The following TAFA1 variants were observed in gnomAD, a reference collection of about 807,000 sequenced individuals.
TAFA1 encodes the protein chemokine-like protein TAFA-1.
A neutral mutation model predicts 18.5 loss-of-function variants in TAFA1; 4 were observed. That is an observed-to-expected ratio of 0.22 (90% confidence interval 0.11 to 0.49). The LOEUF is 0.49. TAFA1 is among the 20% of genes least tolerant of loss of function. The pLI, the probability that TAFA1 is intolerant of heterozygous loss-of-function variation, is 0.98. For missense variants in TAFA1, 147 were observed against 169.0 expected (o/e 0.87, Z 0.72); for synonymous variants, 56 against 55.2 (o/e 1.01, Z -0.06).
chr3:68,307,302 A>T (rs1283944391), intron 2 of TAFA1, among the ~76,000 whole-genome samples: 2 of 152,218 alleles, frequency 1.3e-5, no homozygotes, highest in Non-Finnish European at 2.9e-5. Context: ...CTTAAATAAG[A>T]ATTATTTGCT....
chr3:68,293,140 C>T (rs1387000521), intron 2 of TAFA1, among the ~76,000 whole-genome samples: 1 of 152,134 alleles, frequency 6.6e-6, no homozygotes, highest in East Asian at 1.9e-4. Flanking sequence ...GTGTCTAACC[C>T]TTCATAGTTG....
At chr3:68,271,836 TCACACACA>T (rs965274782) in intron 2 of TAFA1, among the ~76,000 whole-genome samples, 29 of 129,218 alleles carry the variant, frequency 2.2e-4, no homozygotes, top group African/African-American at 6.3e-4. Flanking sequence ...TCTCTCTCTC[TCACACACA>T]CACACACACA....
intron 3 of TAFA1, among the ~76,000 whole-genome samples, chr3:68,529,802 T>C (rs1575954768): frequency 6.6e-6 from 1 of 152,118 alleles, no homozygotes; most frequent in Non-Finnish European, 1.5e-5. Flanking sequence ...TGTAGGGGAA[T>C]TGACCTGTTC....
At chr3:68,417,647 C>T (rs1318176755) in intron 3 of TAFA1, 13 of 515,242 alleles carry the variant, frequency 2.5e-5, no homozygotes, top group Non-Finnish European at 3.8e-5. Context: ...CTTGCCATTG[C>T]AGCATTGAGA....
intron 2 of TAFA1, among the ~76,000 whole-genome samples, chr3:68,104,928 T>A (rs919002274): frequency 2.6e-5 from 4 of 152,052 alleles, no homozygotes; most frequent in Non-Finnish European, 4.4e-5. Flanking sequence ...AGAAAAGAGG[T>A]TTATTTTGAG....
At chr3:68,322,908 AC>A (rs956197261) in intron 2 of TAFA1, among the ~76,000 whole-genome samples, 7 of 152,056 alleles carry the variant, frequency 4.6e-5, no homozygotes, top group African/African-American at 1.7e-4. Flanking sequence ...ACACCACTGC[AC>A]TCCAGCCTGG....
intron 3 of TAFA1, among the ~76,000 whole-genome samples, chr3:68,444,906 C>T (rs969089394): frequency 6.6e-6 from 1 of 151,178 alleles, no homozygotes; most frequent in African/African-American, 2.4e-5. Context: ...TCTATTCCTT[C>T]TGAATGCCAC....
chr3:68,314,068 T>C (rs2068565598), intron 2 of TAFA1, among the ~76,000 whole-genome samples: 1 of 152,194 alleles, frequency 6.6e-6, no homozygotes, highest in African/African-American at 2.4e-5. Flanking sequence ...TTGAATAGGA[T>C]TAAGATGGCT....
intron 2 of TAFA1, among the ~76,000 whole-genome samples, chr3:68,085,465 C>A (rs960591539): frequency 3.9e-5 from 6 of 152,086 alleles, no homozygotes; most frequent in Admixed American, 3.9e-4. Flanking sequence ...AATAATAATG[C>A]CTGAATTAGA....
intron 3 of TAFA1, among the ~76,000 whole-genome samples, chr3:68,419,505 C>T (rs1559661959): frequency 6.6e-6 from 1 of 152,114 alleles, no homozygotes; most frequent in Non-Finnish European, 1.5e-5. Flanking sequence ...AACAATGAGT[C>T]CAAGGCGCAA....
chr3:68,051,912 A>G (rs1301695794), intron 2 of TAFA1, among the ~76,000 whole-genome samples: 3 of 152,176 alleles, frequency 2.0e-5, no homozygotes, highest in African/African-American at 7.2e-5. Flanking sequence ...AAGAATACAA[A>G]TGACATTCTT....
intron 2 of TAFA1, among the ~76,000 whole-genome samples, chr3:68,091,780 C>T (rs927559552): frequency 6.6e-6 from 1 of 152,096 alleles, no homozygotes; most frequent in Non-Finnish European, 1.5e-5. Flanking sequence ...ACATCAATAT[C>T]ACACAAGACC....
chr3:68,280,805 A>G (rs2067884885), intron 2 of TAFA1, among the ~76,000 whole-genome samples: 1 of 152,160 alleles, frequency 6.6e-6, no homozygotes, highest in Non-Finnish European at 1.5e-5. Context: ...TGACAATAAT[A>G]AAACTGCATT....
chr3:68,128,939 A>G (rs2065505258), intron 2 of TAFA1, among the ~76,000 whole-genome samples: 2 of 152,254 alleles, frequency 1.3e-5, no homozygotes, highest in African/African-American at 2.4e-5. Context: ...AAACTGGACT[A>G]GACGTAAAAT....
chr3:68,416,569 C>T (rs1311682573), intron 2 of TAFA1, among the ~76,000 whole-genome samples: 1 of 152,142 alleles, frequency 6.6e-6, no homozygotes, highest in South Asian at 2.1e-4. Flanking sequence ...GCTTATCAGC[C>T]TTTATGCAGA....
chr3:68,435,390 G>C (rs1320738834), intron 3 of TAFA1, among the ~76,000 whole-genome samples: 1 of 152,140 alleles, frequency 6.6e-6, no homozygotes, highest in Admixed American at 6.6e-5. Flanking sequence ...GGTGGATATT[G>C]AAACTGCCCA....
chr3:68,392,983 A>G (rs2070294317), intron 2 of TAFA1, among the ~76,000 whole-genome samples: 2 of 152,210 alleles, frequency 1.3e-5, no homozygotes, highest in South Asian at 2.1e-4. Flanking sequence ...ACAAGCTGTC[A>G]GAAGACAAAA....
At chr3:68,278,419 T>G (rs980622185) in intron 2 of TAFA1, among the ~76,000 whole-genome samples, 1 of 152,168 alleles carries the variant, frequency 6.6e-6, no homozygotes, top group Non-Finnish European at 1.5e-5. Flanking sequence ...GCACAGAATT[T>G]AATCATTTTT....
In TAFA1 at chr3:68,478,114, C is replaced by T. The variant is rs184267912; in HGVS notation, c.260-60642C>T. ...GTTGGTCCTTGGAGGTATGGGCAGA[C>T]GTATTCCTTGTGATTCCTGAATTCT... On this transcript the variant is annotated intron_variant, in intron 3 of 4. Coordinates refer to ENST00000478136, the MANE Select transcript of TAFA1 (RefSeq NM_213609.4). Among the ~76,000 whole-genome samples the T allele has an allele frequency of 6.8e-4, 104 of 152,314 alleles. 1 individual carries two copies. The highest frequency in any genetic ancestry group is 1.5e-3 in the African/African-American group (64 of 41,564).
Sources: allele counts gnomAD v4.1 joint callset (sites outside exome capture counted in the v4.1 genomes callset), GRCh38; gene constraint gnomAD v4.1.1; transcripts MANE v1.5; gene names NCBI Gene and HGNC (gene_info 2026-07-23, HGNC 2026-07-21).